Variants in UVRAG observed in about 807,000 individuals in gnomAD.
UVRAG encodes the protein UV radiation resistance-associated gene protein.
In UVRAG, 19 loss-of-function variants were observed where a neutral mutation model predicts 78.0. That is an observed-to-expected ratio of 0.24 (90% CI 0.17 to 0.36). The LOEUF (loss-of-function observed/expected upper bound fraction) is 0.36, where lower values mean the gene tolerates loss of function less well. UVRAG is among the 10% of genes least tolerant of loss of function. The pLI, the probability that UVRAG is intolerant of heterozygous loss-of-function variation, is 1.00. For missense variants in UVRAG, 740 were observed against 853.8 expected (o/e 0.87, Z 1.66); for synonymous variants, 323 against 324.6 (o/e 1.00, Z 0.05).
intron 2 of UVRAG, 96 bp downstream of exon 2, chr11:75,852,096 C>A: frequency 1.3e-6 from 1 of 780,060 alleles, no homozygotes; most frequent in Non-Finnish European, 2.1e-6. Context: ...TTTGTGGCTT[C>A]TCGGAAACCT....
intron 8 of UVRAG, among the ~76,000 whole-genome samples, chr11:76,003,246 C>T (rs937754494): frequency 1.5e-5 from 2 of 137,496 alleles, no homozygotes; most frequent in African/African-American, 2.8e-5. Context: ...ATGATTTTCA[C>T]GAAAATACTG....
At chr11:76,082,558 A>AAC (rs1401171420) in intron 13 of UVRAG, among the ~76,000 whole-genome samples, 1 of 151,460 alleles carries the variant, frequency 6.6e-6, no homozygotes, top group African/African-American at 2.4e-5. Flanking sequence ...AAAAAAAAAA[A>AAC]ACATAGGTAA....
Position 75,839,852 on chromosome 11 carries a change from C to CACATATAT in UVRAG, c.118-12030_118-12029insCATATATA, listed in dbSNP as rs1555071883. Among the ~76,000 whole-genome samples, 174 of 150,068 alleles carry CACATATAT rather than the reference C, an allele frequency of 1.2e-3. 2 individuals carry two copies. The highest frequency in any genetic ancestry group is 4.0e-3 in the African/African-American group (162 of 40,392). On this transcript the variant is annotated intron_variant, in intron 1 of 14. Transcript: ENST00000356136. ...ATATATATATATACACACCCCCACA[C>CACATATAT]ATATATATATAGAGAGAGAGAGAGA... is the stretch of plus-strand genomic sequence containing the variant.
rs1948591143 is a variant in UVRAG at position 75,946,523 on chromosome 11, C to CAGCT, written c.594-14920_594-14917dup. ...CTTCTTTAGGCCGGAAATTTGGGAA[C>CAGCT]AGCTGACTTGGTTCTCTGCTTATGG... is the stretch of plus-strand genomic sequence containing the variant. On this transcript the variant is annotated intron_variant, in intron 6 of 14. Transcript: ENST00000356136. 2.6e-5 allele frequency among the ~76,000 whole-genome samples: 4 copies of CAGCT among 152,318 alleles called. No homozygotes were observed. The South Asian group carries it at 8.3e-4, about 32-fold the overall frequency.
At chr11:75,928,345 CA>C (rs1948157162) in intron 6 of UVRAG, among the ~76,000 whole-genome samples, 1 of 152,174 alleles carries the variant, frequency 6.6e-6, no homozygotes, top group South Asian at 2.1e-4. Flanking sequence ...GGCATTCCAA[CA>C]TTTAAGAAGA....
intron 12 of UVRAG, among the ~76,000 whole-genome samples, chr11:76,017,711 G>A (rs956759956): frequency 9.2e-5 from 14 of 152,120 alleles, no homozygotes; most frequent in Non-Finnish European, 1.9e-4. Context: ...ATGGAACAAT[G>A]GAAGCCAGAT....
chr11:76,096,995 TCTC>T lies in UVRAG; in HGVS notation c.1306-18926_1306-18924del, dbSNP rs549458548. On this transcript the variant is annotated intron_variant, in intron 13 of 14. Transcript: ENST00000356136. ...CCTGGTAGCCATAGCACTCTTTCCT[TCTC>T]CTTCCCTTAACTGAAGCGTGCAACC... 3.0e-3 allele frequency among the ~76,000 whole-genome samples: 450 copies of T among 152,222 alleles called. 6 individuals are homozygous for T. Among genetic ancestry groups the T allele is most frequent in the African/African-American group, 9.8e-3 (405 of 41,536 alleles).
chr11:75,893,136 C>T (rs1284013327), intron 5 of UVRAG, among the ~76,000 whole-genome samples: 1 of 151,446 alleles, frequency 6.6e-6, no homozygotes, highest in Non-Finnish European at 1.5e-5. Flanking sequence ...GAGATCGCAC[C>T]ACTGCACCCC....
chr11:76,064,160 A>G (rs751687765), intron 12 of UVRAG, among the ~76,000 whole-genome samples: 13 of 152,340 alleles, frequency 8.5e-5, no homozygotes, highest in Non-Finnish European at 1.6e-4. Context: ...GCTGATCTCA[A>G]TTTACTCTTC....
intron 6 of UVRAG, among the ~76,000 whole-genome samples, chr11:75,956,631 C>G (rs1040978206): frequency 2.4e-4 from 37 of 152,104 alleles, no homozygotes; most frequent in African/African-American, 8.4e-4. Context: ...TGGGTTCTTG[C>G]AATTTAAATT....
chr11:76,133,148 T>TTTA (rs1319018033), intron 14 of UVRAG, among the ~76,000 whole-genome samples: 2 of 152,214 alleles, frequency 1.3e-5, no homozygotes, highest in South Asian at 4.1e-4. Flanking sequence ...TAGTTGCCGT[T>TTTA]TTATTATTAT....
chr11:75,919,592 A>G (rs1344245706), intron 6 of UVRAG, among the ~76,000 whole-genome samples: 1 of 152,228 alleles, frequency 6.6e-6, no homozygotes, highest in Non-Finnish European at 1.5e-5. Context: ...TACTTCATGT[A>G]AAAAGAGAGA....
intron 13 of UVRAG, among the ~76,000 whole-genome samples, chr11:76,104,912 C>T (rs993576662): frequency 1.3e-5 from 2 of 152,094 alleles, no homozygotes; most frequent in Non-Finnish European, 1.5e-5. Context: ...AGAATCCCTG[C>T]ACTTATAATA....
intron 14 of UVRAG, among the ~76,000 whole-genome samples, chr11:76,129,923 ACTCT>A (rs1411537766): frequency 6.9e-6 from 1 of 145,698 alleles, no homozygotes; most frequent in Non-Finnish European, 1.5e-5. Flanking sequence ...TCACTCTCAC[ACTCT>A]CTCTCGCTCT....
intron 13 of UVRAG, among the ~76,000 whole-genome samples, chr11:76,077,418 G>A (rs1377788822): frequency 6.6e-6 from 1 of 151,976 alleles, no homozygotes; most frequent in Non-Finnish European, 1.5e-5. Flanking sequence ...TGTACTCTTT[G>A]ATTGCTGAAA....
intron 6 of UVRAG, chr11:75,914,052 T>G (rs575010831): frequency 6.6e-6 from 1 of 152,218 alleles, no homozygotes; most frequent in East Asian, 1.9e-4. Flanking sequence ...ATCACGTGAC[T>G]ATTTATCAAC....
chr11:75,937,055 T>C (rs1465830075), intron 6 of UVRAG, among the ~76,000 whole-genome samples: 1 of 152,204 alleles, frequency 6.6e-6, no homozygotes, highest in Non-Finnish European at 1.5e-5. Flanking sequence ...TAATTAACTT[T>C]TAAAGCAATT....
At chr11:75,919,225 A>AT (rs34503407) in intron 6 of UVRAG, among the ~76,000 whole-genome samples, 4,887 of 148,648 alleles carry the variant, frequency 0.033, 262 homozygotes, top group African/African-American at 0.11. Flanking sequence ...GCAGGAAGAG[A>AT]TTTTTTTTTT....
intron 12 of UVRAG, among the ~76,000 whole-genome samples, chr11:76,021,875 G>A (rs953312651): frequency 1.3e-5 from 2 of 152,098 alleles, no homozygotes; most frequent in Non-Finnish European, 2.9e-5. Context: ...ACAACATGGC[G>A]AGACACTGTC....
Sources: gnomAD v4.1 joint callset for allele counts (sites outside exome capture counted in the v4.1 genomes callset) on GRCh38, gnomAD v4.1.1 for gene constraint, MANE v1.5 for transcripts, NCBI Gene and HGNC (gene_info 2026-07-23, HGNC 2026-07-21) for gene names.